Variants in URB1 observed in about 807,000 individuals in gnomAD.
URB1 encodes nucleolar pre-ribosomal-associated protein 1.
A neutral mutation model predicts 242.3 loss-of-function variants in URB1; 197 were observed. That is an observed-to-expected ratio of 0.81 (90% CI 0.72 to 0.91). The LOEUF (loss-of-function observed/expected upper bound fraction) is 0.91. Among genes scored for constraint, URB1 ranks in the 40% least tolerant of loss-of-function variants. The pLI, the probability that URB1 is intolerant of heterozygous loss-of-function variation, is 0.00. For missense variants in URB1, 2,721 were observed against 2,860.5 expected (o/e 0.95, Z 1.11); for synonymous variants, 1,153 against 1,201.8 (o/e 0.96, Z 0.84).
intron 4 of URB1, among the ~76,000 whole-genome samples, chr21:32,378,889 C>T (rs2033490759): frequency 6.6e-6 from 1 of 152,128 alleles, no homozygotes; most frequent in Admixed American, 6.5e-5. Context: ...TCTCAGCCTG[C>T]CTAGATCCAT....
In URB1 at chr21:32,372,499, T is replaced by C; in HGVS notation, c.1001+8A>G. 6.4e-7 allele frequency: 1 copy of C among 1,550,816 alleles called. No individual in the cohort carries two copies. The highest frequency in any genetic ancestry group is 8.7e-7 in the Non-Finnish European group (1 of 1,146,900). On this transcript the variant is annotated splice_region_variant and intron_variant, in intron 8 of 38. Coordinates refer to ENST00000382751, the MANE Select transcript of URB1 (RefSeq NM_014825.3). The stretch of plus-strand genomic sequence containing the variant: ...CACCCTGGGGTCCACAAGAGTGTTA[T>C]ACTTTACCTGCCAAAGGTACCCAAA...
rs775259645 is a variant in URB1, at chr21:32,317,011, C to T, written c.6089G>A (p.Arg2030Gln). 1.1e-5 allele frequency: 17 copies of T among 1,550,512 alleles called. No individual in the cohort carries two copies. Among genetic ancestry groups the T allele is most frequent in the Admixed American group, 9.9e-5 (5 of 50,698 alleles). Residue 2030 changes from arginine to glutamine, a missense_variant, in exon 38 of 39, where the codon CGG becomes CAG. Arg to Gln is a conservative substitution (Grantham distance 43). Coordinates refer to ENST00000382751, the MANE Select transcript of URB1 (RefSeq NM_014825.3). ...PVMPARAKGPRGRKRRPGEAE... is the reference protein window; with the variant it reads ...PVMPARAKGPQGRKRRPGEAE... ...CTCCCCAGGCCTCCTCTTTCGGCCC[C>T]GTGGGCCTTTGGCTCGGGCTGGCAT...
Position 32,324,647 on chromosome 21 carries a change from A to G in URB1, c.5122-45T>C, listed in dbSNP as rs958857595. The G allele has an allele frequency of 2.8e-6, 4 of 1,437,058 alleles. No homozygotes were observed. In the African/African-American group the frequency reaches 5.7e-5, roughly 20 times the overall value. 89.0% of individuals were successfully genotyped at this position (1,437,058 alleles called of 1,614,324 possible). ...AGGAAAATGTAAGATGAGCGTGTTC[A>G]GAGCTATGGTCAGTCCTCTCTGGTG... On this transcript the variant is annotated intron_variant, in intron 31 of 38. Coordinates refer to ENST00000382751, the MANE Select transcript of URB1 (RefSeq NM_014825.3).
In URB1 at chr21:32,353,943, G is replaced by A. The variant is rs1159561996; in HGVS notation, c.2406C>T (p.Gly802=). The A allele has an allele frequency of 6.4e-7, 1 of 1,551,596 alleles. No individual in the cohort carries two copies. The highest frequency in any genetic ancestry group is 8.7e-7 in the Non-Finnish European group (1 of 1,147,000). Residue 802 remains glycine, a synonymous_variant, in exon 18 of 39, where the codon GGC becomes GGT. Coordinates refer to ENST00000382751, the MANE Select transcript of URB1 (RefSeq NM_014825.3). ...ACTATACATAGGTACCTGCTTCATT[G>A]CCTGTCCCAAGGAGCAACTTATTCC... is the stretch of plus-strand genomic sequence containing the variant. ...EARNKLLLGT[G]NEAAENVVTY... is the part of the protein sequence containing the mutation.
At chr21:32,384,499 C>T in intron 2 of URB1, 35 bp from the exon 3 acceptor site, 1 of 1,542,736 alleles carries the variant, frequency 6.5e-7, no homozygotes, top group African/African-American at 1.4e-5. Context: ...TAGAAATCGT[C>T]TCATTTCCTT....
rs748495064 is a variant in URB1, at chr21:32,366,708, C to T, written c.1245G>A (p.Glu415=). The change falls in exon 10 of 39, where the codon GAG becomes GAA. Residue 415 remains glutamate, a synonymous_variant. Coordinates refer to ENST00000382751, the MANE Select transcript of URB1 (RefSeq NM_014825.3). ...PEISRAFQTR[E]FIPLPRLLAM... ...CCAGGAGCCGAGGCAAGGGTATAAACTCTCTGGTCTGAAATGCCCGGGAAA... is the reference window on the plus strand; with the variant it reads ...CCAGGAGCCGAGGCAAGGGTATAAATTCTCTGGTCTGAAATGCCCGGGAAA... The T allele has an allele frequency of 1.4e-5, 22 of 1,551,524 alleles. No individual in the cohort carries two copies. The highest frequency in any genetic ancestry group is 5.9e-5 in the Admixed American group (3 of 50,996).
chr21:32,345,821 G>C (rs1475087721), intron 22 of URB1, among the ~76,000 whole-genome samples: 1 of 152,094 alleles, frequency 6.6e-6, no homozygotes, highest in African/African-American at 2.4e-5. Context: ...CAACACAGGG[G>C]GCCCTGGCTA....
chr21:32,337,899 C>A (rs990407240), intron 26 of URB1, among the ~76,000 whole-genome samples: 30 of 152,248 alleles, frequency 2.0e-4, no homozygotes, highest in Admixed American at 1.9e-3. Flanking sequence ...AATTCAGTCC[C>A]TGCGCATTCC....
Position 32,312,164 on chromosome 21 carries a change from C to T in URB1, c.*2754G>A. ...ATGCCTTTGACAAAGATTGCAGTGGCCCCTCGAGTGCAGAGGTCATCCCAG... is the reference window on the plus strand; with the variant it reads ...ATGCCTTTGACAAAGATTGCAGTGGTCCCTCGAGTGCAGAGGTCATCCCAG... On this transcript the variant is annotated 3_prime_UTR_variant, in exon 39 of 39. Coordinates refer to ENST00000382751, the MANE Select transcript of URB1 (RefSeq NM_014825.3). 1 of 1,519,718 alleles carries T rather than the reference C, an allele frequency of 6.6e-7. No homozygotes were observed. Among genetic ancestry groups the T allele is most frequent in the East Asian group, 2.5e-5 (1 of 40,808 alleles). The allele number at this position is 1,519,718 out of a possible 1,614,324, so 94.1% of individuals were successfully genotyped here.
chr21:32,338,640 A>T, intron 26 of URB1, 67 bp downstream of exon 26: 1 of 1,519,612 alleles, frequency 6.6e-7, no homozygotes, highest in Non-Finnish European at 8.9e-7. Flanking sequence ...GCCTCAGTGC[A>T]GCCAGTGTAA....
At chr21:32,353,830 G>T (rs1601140926) in intron 18 of URB1, 103 bp downstream of exon 18, 2 of 1,380,532 alleles carry the variant, frequency 1.4e-6, no homozygotes, top group Non-Finnish European at 1.9e-6. Context: ...CTATTGCCCT[G>T]GATTCTCAGC....
At chr21:32,382,231 T>C (rs566273549) in intron 4 of URB1, among the ~76,000 whole-genome samples, 2 of 152,326 alleles carry the variant, frequency 1.3e-5, no homozygotes, top group South Asian at 4.1e-4. Context: ...CCAGGCTTAC[T>C]GCCAGGTAAG....
chr21:32,355,473 C>T lies in URB1; in HGVS notation c.2082G>A (p.Glu694=), dbSNP rs372412802. The T allele has an allele frequency of 6.3e-5, 98 of 1,551,664 alleles. 1 individual carries two copies. In the African/African-American group the frequency reaches 1.1e-3, roughly 17 times the overall value. The change falls in exon 16 of 39, where the codon GAG becomes GAA. Residue 694 remains glutamate (E), a synonymous_variant. Coordinates refer to ENST00000382751, the MANE Select transcript of URB1 (RefSeq NM_014825.3). ...HLENTMEEDK[E]TVIQFLERIL... ...CGCGTTCCAGAAACTGAATCACAGT[C>T]TCTTTGTCCTCTTCCATGGTGTTCT... is the stretch of plus-strand genomic sequence containing the variant.
In URB1 at chr21:32,350,820, C is replaced by T. The variant is rs907632949; in HGVS notation, c.2716G>A (p.Glu906Lys). The T allele has an allele frequency of 9.7e-6, 15 of 1,551,312 alleles. No homozygotes were observed. Among genetic ancestry groups the T allele is most frequent in the African/African-American group, 4.1e-5 (3 of 73,158 alleles). Reference protein sequence around the residue: ...AAYESQALRDEHIQVQLQATM... With the variant: ...AAYESQALRDKHIQVQLQATM... The stretch of plus-strand genomic sequence containing the variant: ...GCCTGCAGCTGCACCTGGATGTGCT[C>T]GTCCCGAAGCGCTTGGCTCTCGTAG... Residue 906 changes from glutamate (E) to lysine (K), a missense_variant, in exon 20 of 39, where the codon GAG (glutamate) becomes AAG (lysine). Physicochemically the swap from Glu to Lys is moderately conservative, Grantham distance 56. Coordinates refer to ENST00000382751, the MANE Select transcript of URB1 (RefSeq NM_014825.3).
intron 1 of URB1, among the ~76,000 whole-genome samples, chr21:32,390,235 A>G (rs1238915852): frequency 1.3e-5 from 2 of 152,212 alleles, no homozygotes; most frequent in Non-Finnish European, 2.9e-5. Flanking sequence ...CCTGAATGTC[A>G]TGAGGCTCTC....
At chr21:32,315,474 C>T (rs767376977) in intron 38 of URB1, among the ~76,000 whole-genome samples, 10 of 152,030 alleles carry the variant, frequency 6.6e-5, no homozygotes, top group Non-Finnish European at 1.2e-4. Context: ...CCACCACGCC[C>T]GGCTAATTTT....
intron 1 of URB1, among the ~76,000 whole-genome samples, chr21:32,391,924 T>C (rs753011490): frequency 6.6e-6 from 1 of 150,658 alleles, no homozygotes; most frequent in Non-Finnish European, 1.5e-5. Context: ...CTTGGGAGGC[T>C]GAGGTGGGAG....
rs193072858 is a variant in URB1 at position 32,355,829 on chromosome 21, T to C, written c.1990-264A>G. Among the ~76,000 whole-genome samples the C allele has an allele frequency of 4.9e-4, 75 of 152,320 alleles. 2 individuals are homozygous for C. In the East Asian group the frequency reaches 0.012, roughly 25 times the overall value. ...TTTTGCCAAGTTGGCCAGGCTGGTA[T>C]CAAACTCCTAGCTTCAAGTGATCTG... On this transcript the variant is annotated intron_variant, in intron 15 of 38. Transcript: ENST00000382751.
At chr21:32,331,850 C>T (rs752131631) in intron 30 of URB1, among the ~76,000 whole-genome samples, 6 of 152,190 alleles carry the variant, frequency 3.9e-5, no homozygotes, top group Non-Finnish European at 7.4e-5. Context: ...TGAGAGAAGG[C>T]CAAGTAGGGA....
Sources: gnomAD v4.1 joint callset for allele counts (sites outside exome capture counted in the v4.1 genomes callset) on GRCh38, gnomAD v4.1.1 for gene constraint, MANE v1.5 for transcripts, NCBI Gene and HGNC (gene_info 2026-07-23, HGNC 2026-07-21) for gene names.